Variants in TUBGCP4 observed in about 807,000 individuals in gnomAD.
TUBGCP4 encodes the protein gamma-tubulin complex component 4.
Under a neutral mutation model 91.6 loss-of-function variants are expected in TUBGCP4, and 54 were observed. That is an observed-to-expected ratio of 0.59 (90% confidence interval 0.47 to 0.74). The LOEUF (loss-of-function observed/expected upper bound fraction) is 0.74. Among genes scored for constraint, TUBGCP4 ranks in the 30% least tolerant of loss-of-function variants. TUBGCP4 has a pLI of 0.00. For synonymous variants in TUBGCP4, 297 were observed against 302.8 expected (o/e 0.98, Z 0.20); for missense variants, 593 against 800.9 (o/e 0.74, Z 3.13).
At chr15:43,372,351 A>C (rs2044136919) in intron 1 of TUBGCP4, among the ~76,000 whole-genome samples, 1 of 152,168 alleles carries the variant, frequency 6.6e-6, no homozygotes, top group Non-Finnish European at 1.5e-5. Flanking sequence ...AAACCTATAA[A>C]TCAAACAGTT....
chr15:43,380,678 A>G (rs2044273099), intron 6 of TUBGCP4, among the ~76,000 whole-genome samples: 1 of 152,222 alleles, frequency 6.6e-6, no homozygotes, highest in Non-Finnish European at 1.5e-5. Flanking sequence ...CCAACAGTAG[A>G]AAAAAATTTA....
chr15:43,404,732 A>G (rs777730177), intron 17 of TUBGCP4, 180 bp downstream of exon 17: 4 of 662,168 alleles, frequency 6.0e-6, no homozygotes, highest in Non-Finnish European at 7.4e-6. Context: ...AGTAGAAGTC[A>G]TCATCATCAT....
At position 43,376,103 on chromosome 15, in the gene TUBGCP4, G is replaced by T. The variant is rs755825530; in HGVS notation, c.84G>T (p.Ser28=). The T allele has an allele frequency of 2.5e-5, 41 of 1,613,714 alleles. No homozygotes were observed. The Admixed American group carries it at 6.3e-4, about 25-fold the overall frequency. Residue 28 remains serine, a synonymous_variant, in exon 2 of 18, where the codon TCG becomes TCT. Coordinates refer to ENST00000564079, the MANE Select transcript of TUBGCP4 (RefSeq NM_014444.5). ...CAGTGTTCCTCTTCCTGCAGGTATC[G>T]CAGGACTTCCCTTTCCTCCACCCCA... The part of the protein sequence containing the change: ...TWNKRSGLQV[S]QDFPFLHPSE...
intron 7 of TUBGCP4, among the ~76,000 whole-genome samples, chr15:43,385,015 G>A (rs1431825787): frequency 6.6e-6 from 1 of 152,226 alleles, no homozygotes; most frequent in Non-Finnish European, 1.5e-5. Context: ...AATCATTGAT[G>A]ATACCCAGGT....
At position 43,376,356 on chromosome 15, in the gene TUBGCP4, G is replaced by T. The variant is rs2044204939; in HGVS notation, c.207+130G>T. On this transcript the variant is annotated intron_variant, in intron 2 of 17. Coordinates refer to ENST00000564079, the MANE Select transcript of TUBGCP4 (RefSeq NM_014444.5). ...GGTAATTCATGTGAAATAAGTTATG[G>T]ATTTCTCATCACTAGAAATATTCAA... 4 of 1,593,610 alleles carry T rather than the reference G, an allele frequency of 2.5e-6. No homozygotes were observed. The Admixed American group carries it at 6.7e-5, about 27-fold the overall frequency.
rs542775386 is a variant in TUBGCP4, at chr15:43,386,345, G to GTATATATATATA, written c.1014+37_1014+48dup. 6.3e-6 allele frequency: 2 copies of GTATATATATATA among 317,720 alleles called. No homozygotes were observed. Among genetic ancestry groups the GTATATATATATA allele is most frequent in the African/African-American group, 6.8e-5 (1 of 14,628 alleles). 19.7% of individuals were successfully genotyped at this position (317,720 alleles called of 1,614,324 possible). A position where few individuals can be genotyped will look rare whatever the true frequency, so the allele number is the denominator to read the frequency against. ...CTGTGGCTGAGGTTTGTGTTTCATC[G>GTATATATATATA]TATATATATATATATATATATATAT... On this transcript the variant is annotated intron_variant, in intron 9 of 17. Transcript: ENST00000564079.
Position 43,404,568 on chromosome 15 carries a change from G to C in TUBGCP4, c.1988+16G>C, listed in dbSNP as rs140067398. 3 of 1,612,900 alleles carry C rather than the reference G, an allele frequency of 1.9e-6. No individual in the cohort carries two copies. Among genetic ancestry groups the C allele is most frequent in the Non-Finnish European group, 1.7e-6 (2 of 1,179,444 alleles). The stretch of plus-strand genomic sequence containing the variant: ...CTCTGGGCAGGTAGGAGCAACCCTT[G>C]GGTAACTCAGTAGACTTTTTAAGGT... On this transcript the variant is annotated intron_variant, in intron 17 of 17. Transcript: ENST00000564079.
rs1386909291 is a variant in TUBGCP4 at position 43,376,447 on chromosome 15, T to C, written c.208-56T>C. ...TAAAAGAAACAAGCCTGATAATGTC[T>C]TTCTCAGGTTTCAGGGCCTGAGCTG... On this transcript the variant is annotated intron_variant, in intron 2 of 17. Coordinates refer to ENST00000564079, the MANE Select transcript of TUBGCP4 (RefSeq NM_014444.5). 2.5e-6 allele frequency: 4 copies of C among 1,613,880 alleles called. 1 individual carries two copies. The Admixed American group carries it at 6.7e-5, about 27-fold the overall frequency.
In TUBGCP4 at chr15:43,408,817, CTCTCTCACCTAGAT is replaced by C; in HGVS notation, c.*3609_*3622del. On this transcript the variant is annotated 3_prime_UTR_variant, in exon 18 of 18. Transcript: ENST00000564079. ...ACATTCCAATTTCTAGAAAGCTTTA[CTCTCTCACCTAGAT>C]TCTCTTCCCTCCAAAGCTTGCTGTC... 7.1e-7 allele frequency: 1 copy of C among 1,409,000 alleles called. No individual in the cohort carries two copies. The highest frequency in any genetic ancestry group is 2.3e-5 in the East Asian group (1 of 43,280). 87.3% of individuals were successfully genotyped at this position (1,409,000 alleles called of 1,614,324 possible).
At chr15:43,380,205 G>A in intron 6 of TUBGCP4, 42 bp downstream of exon 6, 2 of 1,533,084 alleles carry the variant, frequency 1.3e-6, no homozygotes, top group Non-Finnish European at 1.8e-6. Flanking sequence ...GGAGGTGGGT[G>A]GTCAAATTAT....
intron 9 of TUBGCP4, among the ~76,000 whole-genome samples, chr15:43,393,366 C>A (rs374362967): frequency 1.3e-5 from 2 of 151,812 alleles, no homozygotes; most frequent in African/African-American, 2.4e-5. Flanking sequence ...CCCGCCACCA[C>A]GCCCAGCCAG....
intron 9 of TUBGCP4, among the ~76,000 whole-genome samples, chr15:43,390,849 GCT>G (rs2044455025): frequency 6.6e-6 from 1 of 151,856 alleles, no homozygotes; most frequent in South Asian, 2.1e-4. Context: ...ACAGCTTCTC[GCT>G]CTGTCACCCA....
intron 9 of TUBGCP4, among the ~76,000 whole-genome samples, chr15:43,387,150 A>G (rs1430237751): frequency 6.6e-6 from 1 of 152,236 alleles, no homozygotes; most frequent in Non-Finnish European, 1.5e-5. Flanking sequence ...TCATTCTTAT[A>G]AATGAAGCAA....
At position 43,405,571 on chromosome 15, in the gene TUBGCP4, G is replaced by A. The variant is rs2044841559; in HGVS notation, c.*357G>A. ...GTAAACAAACAATATAGAGCAGAAA[G>A]TTAAATATTTTATGGTTCATATGTG... On this transcript the variant is annotated 3_prime_UTR_variant, in exon 18 of 18. Transcript: ENST00000564079. 4.2e-6 allele frequency: 1 copy of A among 236,242 alleles called. No homozygotes were observed. The allele number at this position is 236,242 out of a possible 1,614,324, so 14.6% of individuals were successfully genotyped here. A position where few individuals can be genotyped will look rare whatever the true frequency, so the allele number is the denominator to read the frequency against.
chr15:43,377,824 T>G, intron 4 of TUBGCP4, 23 bp from the exon 5 acceptor site: 2 of 1,575,752 alleles, frequency 1.3e-6, no homozygotes, highest in Non-Finnish European at 1.7e-6. Context: ...TACATACCCT[T>G]CTAATTATTC....
chr15:43,397,981 C>G (rs556822431), intron 12 of TUBGCP4, 60 bp from the exon 13 acceptor site: 113 of 1,535,920 alleles, frequency 7.4e-5, no homozygotes, highest in Non-Finnish European at 9.2e-5. Context: ...TGTTGAGTCT[C>G]TGGTTCTAGA....
intron 1 of TUBGCP4, among the ~76,000 whole-genome samples, chr15:43,375,561 T>A (rs887401322): frequency 6.6e-5 from 10 of 152,372 alleles, no homozygotes; most frequent in African/African-American, 2.4e-4. Context: ...AATGTAAATA[T>A]GGACACTAAA....
intron 9 of TUBGCP4, among the ~76,000 whole-genome samples, chr15:43,393,791 G>A (rs1179494471): frequency 6.6e-6 from 1 of 152,062 alleles, no homozygotes; most frequent in African/African-American, 2.4e-5. Flanking sequence ...ATTTTTTATG[G>A]CTGCATAGTA....
At chr15:43,375,155 G>A (rs944303171) in intron 1 of TUBGCP4, among the ~76,000 whole-genome samples, 6 of 152,324 alleles carry the variant, frequency 3.9e-5, no homozygotes, top group South Asian at 2.1e-4. Context: ...CACCTGCCTC[G>A]GCCTCCCGAA....
Sources: gnomAD v4.1 joint callset for allele counts (sites outside exome capture counted in the v4.1 genomes callset) on GRCh38, gnomAD v4.1.1 for gene constraint, MANE v1.5 for transcripts, NCBI Gene and HGNC (gene_info 2026-07-23, HGNC 2026-07-21) for gene names.